CCDC38: variants seen among roughly 807,000 people sequenced by gnomAD.
CCDC38 encodes coiled-coil domain containing 38.
CCDC38 carries 69 observed loss-of-function variants against 72.8 expected under a neutral mutation model. The observed-to-expected ratio is 0.95, with a 90% CI of 0.78 to 1.16. The LOEUF is 1.16. Ranked by LOEUF, CCDC38 falls within the 50% of genes most tolerant of loss-of-function variation. The pLI, the probability that CCDC38 is intolerant of heterozygous loss-of-function variation, is 0.00. For missense variants in CCDC38, 626 were observed against 638.9 expected (o/e 0.98, Z 0.22); for synonymous variants, 201 against 213.2 (o/e 0.94, Z 0.50).
Position 95,867,077 on chromosome 12 carries a change from C to G in CCDC38, c.1691G>C (p.Ter564SerextTer?). The G allele has an allele frequency of 6.6e-7, 1 of 1,526,278 alleles. No homozygotes were observed. The highest frequency in any genetic ancestry group is 9.0e-7 in the Non-Finnish European group (1 of 1,105,586). The allele number at this position is 1,526,278 out of a possible 1,614,324, so 94.5% of individuals were successfully genotyped here. ...KSQEEEYFFT* is the reference protein window; with the variant it reads ...KSQEEEYFFTS ...AATAAAATGTCTTACTGCTTTTATT[C>G]AAGTAAAAAAATATTCTTCCTCTTG... is the stretch of plus-strand genomic sequence containing the variant. The change falls in exon 16 of 16, where the codon TGA (stop) becomes TCA (serine). Residue 564 changes from the stop codon to serine, a stop_lost. Transcript: ENST00000344280.
intron 5 of CCDC38, among the ~76,000 whole-genome samples, chr12:95,902,055 A>G (rs575992771): frequency 1.3e-5 from 2 of 152,186 alleles, no homozygotes; most frequent in Non-Finnish European, 2.9e-5. Flanking sequence ...CCAAACTGAT[A>G]TCTAAAGAGG....
intron 13 of CCDC38, among the ~76,000 whole-genome samples, chr12:95,874,763 G>T (rs2079618088): frequency 1.3e-5 from 2 of 152,190 alleles, no homozygotes; most frequent in Non-Finnish European, 2.9e-5. Flanking sequence ...TTTCAACAGT[G>T]AACGGGAAGT....
At chr12:95,899,791 C>G (rs756248020) in intron 5 of CCDC38, among the ~76,000 whole-genome samples, 1 of 152,168 alleles carries the variant, frequency 6.6e-6, no homozygotes, top group Non-Finnish European at 1.5e-5. Context: ...TGAGTGCCTA[C>G]TGTGTGCCAG....
intron 8 of CCDC38, among the ~76,000 whole-genome samples, chr12:95,893,820 G>A (rs1452297829): frequency 6.6e-6 from 1 of 151,358 alleles, no homozygotes; most frequent in African/African-American, 2.4e-5. Context: ...AGTTTACTTA[G>A]GTTAATATGT....
At position 95,906,368 on chromosome 12, in the gene CCDC38, GAA is replaced by G. The variant is rs762362220; in HGVS notation, c.369+17_369+18del. 5.7e-6 allele frequency: 9 copies of G among 1,574,614 alleles called. No homozygotes were observed. The South Asian group carries it at 1.0e-4, about 18-fold the overall frequency. The stretch of plus-strand genomic sequence containing the variant: ...AGAAGTCTTCCACTTGGCTAGGGGA[GAA>G]AAGTTATTTTTACTACCTCGAGCAG... On this transcript the variant is annotated intron_variant, in intron 5 of 15. Transcript: ENST00000344280.
At chr12:95,903,640 G>C in intron 5 of CCDC38, 3 of 523,510 alleles carry the variant, frequency 5.7e-6, no homozygotes, top group Non-Finnish European at 1.0e-5. Context: ...TGCATCAATT[G>C]GGATAATCAT....
chr12:95,873,584 C>G (rs1298327004), intron 13 of CCDC38, among the ~76,000 whole-genome samples: 1 of 152,222 alleles, frequency 6.6e-6, no homozygotes, highest in African/African-American at 2.4e-5. Context: ...CATCCTCTGT[C>G]TCCATTGTGA....
chr12:95,907,558 A>G (rs58948611), intron 4 of CCDC38, among the ~76,000 whole-genome samples: 10,615 of 89,576 alleles, frequency 0.12, 1,022 homozygotes, highest in African/African-American at 0.19. Flanking sequence ...CTCCCGGACG[A>G]GGCGGCTGGC....
intron 2 of CCDC38, among the ~76,000 whole-genome samples, chr12:95,928,367 T>C (rs973413283): frequency 5.3e-5 from 8 of 152,246 alleles, no homozygotes; most frequent in African/African-American, 9.6e-5. Flanking sequence ...ACGTAGTTCT[T>C]GAGCCTTGGT....
At chr12:95,878,165 T>G in intron 13 of CCDC38, 46 bp downstream of exon 13, 1 of 1,603,488 alleles carries the variant, frequency 6.2e-7, no homozygotes, top group Non-Finnish European at 8.5e-7. Flanking sequence ...ATAAAAATTA[T>G]AATCATGAGC....
At chr12:95,894,601 C>T (rs959987227) in intron 8 of CCDC38, among the ~76,000 whole-genome samples, 18 of 152,136 alleles carry the variant, frequency 1.2e-4, no homozygotes, top group Non-Finnish European at 2.6e-4. Context: ...ACCTGCTTCC[C>T]CTCCCCGTTG....
At chr12:95,928,175 C>T (rs1166569971) in intron 2 of CCDC38, among the ~76,000 whole-genome samples, 1 of 151,988 alleles carries the variant, frequency 6.6e-6, no homozygotes, top group Admixed American at 6.6e-5. Flanking sequence ...TTCAGGTACA[C>T]CAATCAGACG....
At chr12:95,867,235 C>A (rs2079529329) in intron 15 of CCDC38, 46 bp from the exon 16 acceptor site, 1 of 1,003,092 alleles carries the variant, frequency 1.0e-6, no homozygotes, top group African/African-American at 1.6e-5. Context: ...TTGAGCATAG[C>A]CATTTTCTAT....
intron 2 of CCDC38, among the ~76,000 whole-genome samples, chr12:95,921,342 C>T (rs1285275136): frequency 3.3e-5 from 5 of 152,132 alleles, no homozygotes; most frequent in Non-Finnish European, 7.4e-5. Context: ...TATTTTCACA[C>T]TGCTATAAAG....
At chr12:95,875,443 GAA>G (rs896184546) in intron 13 of CCDC38, among the ~76,000 whole-genome samples, 32 of 134,840 alleles carry the variant, frequency 2.4e-4, no homozygotes, top group African/African-American at 9.0e-4. Flanking sequence ...ATTAAGAGTG[GAA>G]GTTTTGAAAG....
At chr12:95,913,856 C>T (rs138283696) in intron 4 of CCDC38, among the ~76,000 whole-genome samples, 1 of 151,700 alleles carries the variant, frequency 6.6e-6, no homozygotes, top group East Asian at 1.9e-4. Context: ...ATCAGACAGG[C>T]CTTGGCTTGA....
intron 15 of CCDC38, 46 bp downstream of exon 15, chr12:95,869,434 T>G: frequency 7.2e-7 from 1 of 1,381,860 alleles, no homozygotes; most frequent in Non-Finnish European, 1.0e-6. Context: ...TTTTGTATTT[T>G]GTATCACATA....
At chr12:95,928,332 A>G (rs986821797) in intron 2 of CCDC38, among the ~76,000 whole-genome samples, 4 of 152,126 alleles carry the variant, frequency 2.6e-5, no homozygotes, top group African/African-American at 9.7e-5. Flanking sequence ...TGATCGCATC[A>G]GCTCCTGAGG....
In CCDC38 at chr12:95,926,662, T is replaced by G. The variant is rs1386986020; in HGVS notation, c.38-7686A>C. ...GTGTCAATTTTGGATCTTTCCTGCT[T>G]TCTCTTGTGGGCATTTAGTGCTATA... On this transcript the variant is annotated intron_variant, in intron 2 of 15. Transcript: ENST00000344280. 6.6e-5 allele frequency among the ~76,000 whole-genome samples: 10 copies of G among 151,994 alleles called. No individual in the cohort carries two copies. In the South Asian group the frequency reaches 1.9e-3, roughly 29 times the overall value.
Sources: gnomAD v4.1 joint callset for allele counts (sites outside exome capture counted in the v4.1 genomes callset) on GRCh38, gnomAD v4.1.1 for gene constraint, MANE v1.5 for transcripts, NCBI Gene and HGNC (gene_info 2026-07-23, HGNC 2026-07-21) for gene names.